STAT4: variants seen among roughly 807,000 people sequenced by gnomAD.
The protein encoded by STAT4 is signal transducer and activator of transcription 4.
A neutral mutation model predicts 110.5 loss-of-function variants in STAT4; 42 were observed. That is an observed-to-expected ratio of 0.38 (90% CI 0.30 to 0.49). The LOEUF is 0.49. STAT4 is among the 20% of genes least tolerant of loss of function. STAT4 has a pLI of 0.95. For synonymous variants in STAT4, 284 were observed against 302.2 expected, an observed-to-expected ratio of 0.94 and a Z score of 0.63; for missense variants, 632 against 887.9, an observed-to-expected ratio of 0.71 and a Z score of 3.66.
Position 191,146,753 on chromosome 2 carries a change from C to T in STAT4, c.133G>A (p.Ala45Thr). ...AQWIENQDWE[A>T]ASNNETMATI... ...GCCATGGTTTCATTGTTAGAAGCTG[C>T]CTCCCTAAAAAAAAAAAGGATTATT... is the stretch of plus-strand genomic sequence containing the variant. Residue 45 changes from alanine to threonine, a missense_variant, in exon 3 of 24, where the codon GCA becomes ACA. Physicochemically the swap from Ala to Thr is moderately conservative, Grantham distance 58. This residue lies in a region of STAT4 where 488 missense variants were observed against 632.8 expected (regional missense o/e 0.77). Coordinates refer to ENST00000392320, the MANE Select transcript of STAT4 (RefSeq NM_003151.4). This position sits in a 1 kb window ranked among gnomAD's most constrained non-coding sequence, Gnocchi z 4.5. The T allele has an allele frequency of 7.8e-6, 12 of 1,533,656 alleles. No individual in the cohort carries two copies. The highest frequency in any genetic ancestry group is 1.0e-5 in the Non-Finnish European group (12 of 1,144,948).
In STAT4 at chr2:191,095,010, C is replaced by G. The variant is rs189020035; in HGVS notation, c.274-18685G>C. ...CAAAGATCAAAAGAGACAAAGAAGGCCATCACATAATGGTAAAGGGATCAA... is the reference window on the plus strand; with the variant it reads ...CAAAGATCAAAAGAGACAAAGAAGGGCATCACATAATGGTAAAGGGATCAA... On this transcript the variant is annotated intron_variant, in intron 3 of 23. Transcript: ENST00000392320. Among the ~76,000 whole-genome samples, 1,224 of 151,436 alleles carry G rather than the reference C, an allele frequency of 8.1e-3. 12 individuals are homozygous for G. The highest frequency in any genetic ancestry group is 0.017 in the Middle Eastern group (5 of 292).
At chr2:191,047,924 C>T (rs1030033996) in intron 14 of STAT4, among the ~76,000 whole-genome samples, 22 of 152,176 alleles carry the variant, frequency 1.4e-4, no homozygotes, top group African/African-American at 4.8e-4. Flanking sequence ...TCTCGGACTC[C>T]CAAAGTGCTG....
At chr2:191,038,107 G>T (rs1485726470) in intron 16 of STAT4, among the ~76,000 whole-genome samples, 1 of 152,208 alleles carries the variant, frequency 6.6e-6, no homozygotes, top group Non-Finnish European at 1.5e-5. Flanking sequence ...GGACAGAGAA[G>T]TATCCCATCA....
At chr2:191,080,783 C>T (rs993590057) in intron 3 of STAT4, among the ~76,000 whole-genome samples, 1 of 152,170 alleles carries the variant, frequency 6.6e-6, no homozygotes, top group East Asian at 1.9e-4. Flanking sequence ...AATCAGTCGT[C>T]TGTCACCACA....
chr2:191,114,120 T>C (rs1698501465), intron 3 of STAT4, among the ~76,000 whole-genome samples: 1 of 152,198 alleles, frequency 6.6e-6, no homozygotes, highest in African/African-American at 2.4e-5. Context: ...TGAATTGTGG[T>C]AGAGACAGGA....
chr2:191,029,830 G>A lies in STAT4; in HGVS notation c.*10C>T, dbSNP rs1695836821. On this transcript the variant is annotated 3_prime_UTR_variant, in exon 24 of 24. Transcript: ENST00000392320. This position sits in a 1 kb window ranked among gnomAD's most constrained non-coding sequence, Gnocchi z 4.5. ...TTGCTTCCTTTCTTGGTGCGTCAGAGTTTATCCTGTCATTCAGCAGAATAA... is the reference window on the plus strand; with the variant it reads ...TTGCTTCCTTTCTTGGTGCGTCAGAATTTATCCTGTCATTCAGCAGAATAA... 3.1e-6 allele frequency: 5 copies of A among 1,600,810 alleles called. No homozygotes were observed. Among genetic ancestry groups the A allele is most frequent in the Non-Finnish European group, 4.3e-6 (5 of 1,175,238 alleles).
chr2:191,124,412 A>C (rs947904248), intron 3 of STAT4, among the ~76,000 whole-genome samples: 1 of 139,612 alleles, frequency 7.2e-6, no homozygotes, highest in Non-Finnish European at 1.5e-5. Context: ...CCGAGATAGC[A>C]CCACTGCACT....
intron 3 of STAT4, among the ~76,000 whole-genome samples, chr2:191,081,789 C>T (rs770168075): frequency 1.3e-5 from 2 of 152,134 alleles, no homozygotes; most frequent in Non-Finnish European, 2.9e-5. Context: ...TTTGATACCC[C>T]AAATTCATAA....
Position 191,033,320 on chromosome 2 carries a change from T to C in STAT4, c.1852+170A>G, listed in dbSNP as rs1695953578. Among the ~76,000 whole-genome samples the C allele has an allele frequency of 6.6e-6, 1 of 152,206 alleles. No homozygotes were observed. The highest frequency in any genetic ancestry group is 1.9e-4 in the East Asian group (1 of 5,204). On this transcript the variant is annotated intron_variant, in intron 20 of 23. Coordinates refer to ENST00000392320, the MANE Select transcript of STAT4 (RefSeq NM_003151.4). This position sits in a 1 kb window ranked among gnomAD's most constrained non-coding sequence, Gnocchi z 6.9. ...GTATAGATTGTGCATACGATAGACT[T>C]TTTGGAATTCATAGGTACCCTGTTC...
chr2:191,140,004 A>G lies in STAT4; in HGVS notation c.273+6609T>C, dbSNP rs954319391. On this transcript the variant is annotated intron_variant, in intron 3 of 23. Coordinates refer to ENST00000392320, the MANE Select transcript of STAT4 (RefSeq NM_003151.4). This position sits in a 1 kb window ranked among gnomAD's most constrained non-coding sequence, Gnocchi z 4.4. ...AGCATGCAAAAATATAAATCAGGGA[A>G]AAGACACCCTATTCAATATATGGGC... Among the ~76,000 whole-genome samples, 2 of 152,194 alleles carry G rather than the reference A, an allele frequency of 1.3e-5. No individual in the cohort carries two copies. Among genetic ancestry groups the G allele is most frequent in the African/African-American group, 4.8e-5 (2 of 41,456 alleles).
At chr2:191,067,532 C>G (rs1302209411) in intron 6 of STAT4, among the ~76,000 whole-genome samples, 1 of 152,186 alleles carries the variant, frequency 6.6e-6, no homozygotes, top group Non-Finnish European at 1.5e-5. Context: ...TCCAAGAATA[C>G]TATTTATTAA....
intron 3 of STAT4, among the ~76,000 whole-genome samples, chr2:191,122,327 G>A (rs375199623): frequency 7.2e-5 from 10 of 139,798 alleles, no homozygotes; most frequent in East Asian, 2.0e-4. Context: ...TCATAAAAAT[G>A]AAAAAAAAAA....
intron 14 of STAT4, among the ~76,000 whole-genome samples, chr2:191,044,546 G>T (rs1381648241): frequency 6.6e-6 from 1 of 152,094 alleles, no homozygotes; most frequent in African/African-American, 2.4e-5. Context: ...CCAATAAAAA[G>T]GAGACAGTAA....
rs1348880953 is a variant in STAT4, at chr2:191,058,132, A to G, written c.1113-21T>C. The stretch of plus-strand genomic sequence containing the variant: ...GGTTGCTGGAGAGGAAATCTTAGCT[A>G]TTTACATGGTCTCAGGTAAAATAAA... On this transcript the variant is annotated intron_variant, in intron 12 of 23. Transcript: ENST00000392320. This position sits in a 1 kb window ranked among gnomAD's most constrained non-coding sequence, Gnocchi z 4.3. 1 of 1,613,276 alleles carries G rather than the reference A, an allele frequency of 6.2e-7. No homozygotes were observed. The highest frequency in any genetic ancestry group is 1.3e-5 in the African/African-American group (1 of 74,906).
chr2:191,057,185 A>G (rs1696721999), intron 13 of STAT4, among the ~76,000 whole-genome samples: 1 of 152,132 alleles, frequency 6.6e-6, no homozygotes. Flanking sequence ...TTCCTTTCCT[A>G]GCCTCTGGTA....
At chr2:191,067,044 C>T (rs1697008071) in intron 6 of STAT4, among the ~76,000 whole-genome samples, 1 of 151,318 alleles carries the variant, frequency 6.6e-6, no homozygotes, top group Non-Finnish European at 1.5e-5. Context: ...TCTTTACTTT[C>T]CCCCACTTTT....
chr2:191,040,169 C>T lies in STAT4; in HGVS notation c.1336-872G>A, dbSNP rs571594127. Among the ~76,000 whole-genome samples the T allele has an allele frequency of 5.9e-5, 9 of 152,266 alleles. No homozygotes were observed. In the South Asian group the frequency reaches 1.9e-3, roughly 32 times the overall value. On this transcript the variant is annotated intron_variant, in intron 15 of 23. Transcript: ENST00000392320. ...TCATGCACTGATTCATTCACGGTGT[C>T]CTGCCTTCAAGGAGCGCATAGTCAA...
intron 3 of STAT4, among the ~76,000 whole-genome samples, chr2:191,111,875 GA>G (rs1698434388): frequency 6.6e-6 from 1 of 151,958 alleles, no homozygotes; most frequent in African/African-American, 2.4e-5. Context: ...AAAAAAGAAA[GA>G]AGTGCATACT....
chr2:191,148,105 C>G lies in STAT4; in HGVS notation c.99G>C (p.Leu33=). Residue 33 remains leucine (L), a synonymous_variant, in exon 2 of 24, where the codon CTG becomes CTC. Transcript: ENST00000392320. ...CTTGATTTTCAATCCATTGGGCCAA[C>G]AGATGCCGAATTTCCATGGGAAAGT... ...DDNFPMEIRH[L]LAQWIENQDW... 5 of 1,613,814 alleles carry G rather than the reference C, an allele frequency of 3.1e-6. No individual in the cohort carries two copies. The highest frequency in any genetic ancestry group is 4.2e-6 in the Non-Finnish European group (5 of 1,179,814).
Sources: allele counts gnomAD v4.1 joint callset (sites outside exome capture counted in the v4.1 genomes callset), GRCh38; gene constraint gnomAD v4.1.1; regional missense constraint gnomAD v4.1.1; non-coding constraint Gnocchi (gnomAD v3.1); transcripts MANE v1.5; gene names NCBI Gene and HGNC (gene_info 2026-07-23, HGNC 2026-07-21).